TAF3: variants seen among roughly 807,000 people sequenced by gnomAD.
TAF3 encodes the protein TATA-box binding protein associated factor 3.
In TAF3, 7 loss-of-function variants were observed where a neutral mutation model predicts 80.6. That is an observed-to-expected ratio of 0.09 (90% CI 0.05 to 0.16). The LOEUF is 0.16. TAF3 is among the 10% of genes least tolerant of loss of function. TAF3 has a pLI of 1.00. For synonymous variants in TAF3, 444 were observed against 446.1 expected (o/e 1.00, Z 0.06); for missense variants, 921 against 1,140.2 (o/e 0.81, Z 2.77).
chr10:7,874,864 A>C (rs546878713), intron 2 of TAF3, among the ~76,000 whole-genome samples: 19 of 152,244 alleles, frequency 1.2e-4, no homozygotes, highest in African/African-American at 4.3e-4. Context: ...TAAACTAAAG[A>C]AATTATGTAT....
intron 2 of TAF3, among the ~76,000 whole-genome samples, chr10:7,946,301 G>T (rs985963378): frequency 6.6e-6 from 1 of 152,090 alleles, no homozygotes; most frequent in Admixed American, 6.5e-5. Context: ...AACTCGTTAC[G>T]CAGTATGGCT....
intron 2 of TAF3, among the ~76,000 whole-genome samples, chr10:7,905,596 GC>G (rs1837600856): frequency 6.6e-6 from 1 of 152,068 alleles, no homozygotes; most frequent in African/African-American, 2.4e-5. Context: ...AAAAACTTAA[GC>G]AGGGCCAGGC....
At chr10:7,852,853 A>T (rs183725614) in intron 2 of TAF3, among the ~76,000 whole-genome samples, 40 of 152,328 alleles carry the variant, frequency 2.6e-4, no homozygotes, top group African/African-American at 9.4e-4. Flanking sequence ...GAAAAGCTGG[A>T]TGAATGCTTG....
At chr10:7,830,877 G>C (rs1029391993) in intron 2 of TAF3, among the ~76,000 whole-genome samples, 5 of 152,110 alleles carry the variant, frequency 3.3e-5, no homozygotes, top group Non-Finnish European at 5.9e-5. Flanking sequence ...GATCTGCAGA[G>C]TGCCCCACAG....
Position 7,946,092 on chromosome 10 carries a change from C to T in TAF3, c.410-17828C>T, listed in dbSNP as rs75077228. Among the ~76,000 whole-genome samples, 776 of 152,304 alleles carry T rather than the reference C, an allele frequency of 5.1e-3. 3 individuals are homozygous for T. Among genetic ancestry groups the T allele is most frequent in the Non-Finnish European group, 7.3e-3 (498 of 68,024 alleles). ...AGCCACCCTCTCGGGTCATCCATAA[C>T]GTCACTGCATCCTCTACACAGCTGC... On this transcript the variant is annotated intron_variant, in intron 2 of 6. Coordinates refer to ENST00000344293, the MANE Select transcript of TAF3 (RefSeq NM_031923.4).
intron 1 of TAF3, among the ~76,000 whole-genome samples, chr10:7,822,061 AAAACATG>A (rs1341798405): frequency 6.6e-6 from 1 of 152,220 alleles, no homozygotes; most frequent in East Asian, 1.9e-4. Context: ...CAAAAGAATT[AAAACATG>A]TAGTAGAAAA....
At chr10:7,834,633 A>G (rs1047050969) in intron 2 of TAF3, among the ~76,000 whole-genome samples, 4 of 152,138 alleles carry the variant, frequency 2.6e-5, no homozygotes, top group Admixed American at 6.6e-5. Context: ...TAGGACTACA[A>G]GGTTTTTATT....
intron 2 of TAF3, among the ~76,000 whole-genome samples, chr10:7,871,656 C>CTGG (rs1370501206): frequency 9.2e-5 from 14 of 151,856 alleles, no homozygotes; most frequent in African/African-American, 3.4e-4. Context: ...ATTGGTCAGG[C>CTGG]TGGTCTTGAA....
At chr10:7,820,192 A>T (rs1449426858) in intron 1 of TAF3, among the ~76,000 whole-genome samples, 1 of 152,130 alleles carries the variant, frequency 6.6e-6, no homozygotes, top group East Asian at 1.9e-4. Flanking sequence ...TTTCAGATGC[A>T]CTTATCACTT....
At chr10:7,886,188 C>T (rs1322514022) in intron 2 of TAF3, among the ~76,000 whole-genome samples, 3 of 152,096 alleles carry the variant, frequency 2.0e-5, no homozygotes, top group African/African-American at 7.2e-5. Context: ...TTTGGCCTCC[C>T]GAAGTGCTGG....
chr10:7,891,399 A>T (rs937921378), intron 2 of TAF3, among the ~76,000 whole-genome samples: 5 of 152,330 alleles, frequency 3.3e-5, no homozygotes, highest in South Asian at 2.1e-4. Flanking sequence ...TATCATTTTT[A>T]AAAAACTTAA....
intron 4 of TAF3, among the ~76,000 whole-genome samples, chr10:8,001,434 C>T (rs1037283153): frequency 6.6e-6 from 1 of 152,074 alleles, no homozygotes; most frequent in Non-Finnish European, 1.5e-5. Context: ...TTCCTTTGCT[C>T]ATGTTTGAAT....
At chr10:7,933,274 T>C (rs1195051072) in intron 2 of TAF3, among the ~76,000 whole-genome samples, 2 of 152,230 alleles carry the variant, frequency 1.3e-5, no homozygotes, top group African/African-American at 4.8e-5. Flanking sequence ...TACAAGTGTT[T>C]ACATGAATTA....
At chr10:7,868,835 A>G (rs1837239288) in intron 2 of TAF3, among the ~76,000 whole-genome samples, 1 of 152,214 alleles carries the variant, frequency 6.6e-6, no homozygotes, top group Admixed American at 6.5e-5. Context: ...TAAGGCAAGT[A>G]TTCACATCAC....
chr10:7,880,840 G>A (rs1278366874), intron 2 of TAF3, among the ~76,000 whole-genome samples: 2 of 152,072 alleles, frequency 1.3e-5, no homozygotes, highest in African/African-American at 2.4e-5. Flanking sequence ...ATATTTAAAC[G>A]ATATACCTAC....
At chr10:7,961,392 C>G (rs1446883685) in intron 2 of TAF3, among the ~76,000 whole-genome samples, 1 of 152,176 alleles carries the variant, frequency 6.6e-6, no homozygotes, top group Admixed American at 6.5e-5. Flanking sequence ...TCTGTGCATC[C>G]TTCATGCTTT....
chr10:7,970,171 G>C (rs549209246), intron 3 of TAF3, among the ~76,000 whole-genome samples: 1 of 152,146 alleles, frequency 6.6e-6, no homozygotes, highest in Non-Finnish European at 1.5e-5. Context: ...GGGAGTTGTC[G>C]ACAATGGAAA....
intron 3 of TAF3, among the ~76,000 whole-genome samples, chr10:7,971,850 A>G (rs1235234440): frequency 1.3e-5 from 2 of 152,226 alleles, no homozygotes; most frequent in Admixed American, 1.3e-4. Context: ...AATGCAGCAC[A>G]TGGCAATAAG....
At chr10:7,958,583 A>C (rs1175548297) in intron 2 of TAF3, among the ~76,000 whole-genome samples, 1 of 152,194 alleles carries the variant, frequency 6.6e-6, no homozygotes, top group Non-Finnish European at 1.5e-5. Context: ...AAGGAAACAG[A>C]TTGAAGATCA....
Sources: allele counts gnomAD v4.1 joint callset (sites outside exome capture counted in the v4.1 genomes callset), GRCh38; gene constraint gnomAD v4.1.1; transcripts MANE v1.5; gene names NCBI Gene and HGNC (gene_info 2026-07-23, HGNC 2026-07-21).